Variants in TIA1 observed in about 807,000 individuals in gnomAD.
TIA1 encodes the protein cytotoxic granule associated RNA binding protein TIA1.
TIA1 carries 23 observed loss-of-function variants against 65.9 expected under a neutral mutation model. The ratio of observed to expected loss-of-function variants is 0.35; its 90% CI spans 0.25 to 0.49. The LOEUF is 0.49. Ranked by LOEUF, TIA1 falls within the 20% of genes least tolerant of loss-of-function variation. The probability of loss-of-function intolerance (pLI) is 0.98; values close to 1 mark genes in which losing one functional copy is unlikely to be tolerated. For synonymous variants in TIA1, 147 were observed against 149.4 expected (o/e 0.98, Z 0.12); for missense variants, 371 against 477.9 (o/e 0.78, Z 2.09).
intron 7 of TIA1, among the ~76,000 whole-genome samples, chr2:70,218,908 G>A (rs1679945260): frequency 6.6e-6 from 1 of 152,224 alleles, no homozygotes; most frequent in Non-Finnish European, 1.5e-5. Flanking sequence ...ATGGGGGCTG[G>A]AGGGGACACC....
At chr2:70,232,540 CAAAAAAAAAAAAAAAAAAAA>C (rs70956955) in intron 2 of TIA1, among the ~76,000 whole-genome samples, 14 of 40,268 alleles carry the variant, frequency 3.5e-4, no homozygotes, top group African/African-American at 1.2e-3. Flanking sequence ...AACTCTGTCT[CAAAAAAAAAAAAAAAAAAAA>C]AAAAAAAAAA....
At chr2:70,230,670 G>GT in intron 3 of TIA1, 86 bp downstream of exon 3, 1 of 897,846 alleles carries the variant, frequency 1.1e-6, no homozygotes, top group Admixed American at 3.1e-5. Context: ...AAAAAAAAGT[G>GT]TTTAATGTTT....
intron 7 of TIA1, among the ~76,000 whole-genome samples, chr2:70,223,696 G>A (rs1469023943): frequency 2.7e-5 from 4 of 150,578 alleles, no homozygotes; most frequent in Non-Finnish European, 4.4e-5. Context: ...TTACAGGTGT[G>A]AGCCACTGGG....
rs976869384 is a variant in TIA1, at chr2:70,209,448, A to G, written c.*3271T>C. Reference sequence around the variant, plus strand: ...AAATGAAGGTAGAAAAACCTATTCAATTGAGACACACTCACACATTTTATT... The same window carrying G: ...AAATGAAGGTAGAAAAACCTATTCAGTTGAGACACACTCACACATTTTATT... On this transcript the variant is annotated 3_prime_UTR_variant, in exon 13 of 13. Transcript: ENST00000433529. The G allele has an allele frequency of 5.0e-6, 2 of 397,084 alleles. No individual in the cohort carries two copies. The highest frequency in any genetic ancestry group is 8.9e-6 in the Non-Finnish European group (2 of 225,744). 24.6% of individuals were successfully genotyped at this position (397,084 alleles called of 1,614,324 possible).
intron 6 of TIA1, chr2:70,225,009 C>T: frequency 1.0e-6 from 1 of 993,942 alleles, no homozygotes; most frequent in Non-Finnish European, 1.2e-6. Context: ...TTATTTGACA[C>T]TATATTCTAC....
intron 5 of TIA1, chr2:70,228,414 G>GACCAAAC: frequency 7.8e-7 from 1 of 1,288,210 alleles, no homozygotes; most frequent in Non-Finnish European, 1.0e-6. Flanking sequence ...TGGTTGCCCA[G>GACCAAAC]ACATTACACC....
chr2:70,248,219 C>CA (rs1264613789), intron 1 of TIA1, among the ~76,000 whole-genome samples, 186 bp downstream of exon 1: 1 of 152,218 alleles, frequency 6.6e-6, no homozygotes, highest in Non-Finnish European at 1.5e-5. Flanking sequence ...GGTTGAGCCC[C>CA]GTCTCCCTTC....
chr2:70,216,105 G>T, intron 10 of TIA1, 103 bp downstream of exon 10: 1 of 1,095,924 alleles, frequency 9.1e-7, no homozygotes, highest in Non-Finnish European at 1.3e-6. Context: ...CGAGGTAAAT[G>T]TTCAAAAAAT....
At chr2:70,220,409 GA>G (rs1185772621) in intron 7 of TIA1, among the ~76,000 whole-genome samples, 1 of 149,360 alleles carries the variant, frequency 6.7e-6, no homozygotes, top group African/African-American at 2.5e-5. Flanking sequence ...GTCCTGTCTC[GA>G]AAAAAAAAGA....
intron 1 of TIA1, among the ~76,000 whole-genome samples, chr2:70,244,254 CCTTT>C (rs1157323779): frequency 1.3e-5 from 2 of 152,178 alleles, no homozygotes; most frequent in African/African-American, 2.4e-5. Context: ...GGATGACCTT[CCTTT>C]ATTATTCTCT....
chr2:70,234,488 A>C (rs913458870), intron 2 of TIA1, among the ~76,000 whole-genome samples: 2 of 152,248 alleles, frequency 1.3e-5, no homozygotes, highest in Admixed American at 6.5e-5. Flanking sequence ...TCTATATAAT[A>C]TGCAGATGAT....
chr2:70,212,563 A>T lies in TIA1; in HGVS notation c.*156T>A, dbSNP rs1463089696. On this transcript the variant is annotated 3_prime_UTR_variant, in exon 13 of 13. Transcript: ENST00000433529. ...CTTGTTTCTTTTTAAAACAATGTGGATGATAAGTAATTTCATGATTAAAAA... is the reference window on the plus strand; with the variant it reads ...CTTGTTTCTTTTTAAAACAATGTGGTTGATAAGTAATTTCATGATTAAAAA... The T allele has an allele frequency of 5.6e-6, 3 of 539,314 alleles. No individual in the cohort carries two copies. Among genetic ancestry groups the T allele is most frequent in the Non-Finnish European group, 1.0e-5 (3 of 298,204 alleles). The allele number at this position is 539,314 out of a possible 1,614,324, so 33.4% of individuals were successfully genotyped here.
chr2:70,224,235 T>C (rs534465710), intron 7 of TIA1, among the ~76,000 whole-genome samples: 2 of 152,292 alleles, frequency 1.3e-5, no homozygotes, highest in South Asian at 4.1e-4. Context: ...AGTATTTTAT[T>C]AGCTACTTTT....
At chr2:70,227,516 T>A (rs1684331360) in intron 6 of TIA1, among the ~76,000 whole-genome samples, 1 of 152,126 alleles carries the variant, frequency 6.6e-6, no homozygotes, top group African/African-American at 2.4e-5. Context: ...GCTATGCTAA[T>A]TGAAAAAGGA....
At chr2:70,237,284 C>G (rs1171100773) in intron 1 of TIA1, among the ~76,000 whole-genome samples, 1 of 152,166 alleles carries the variant, frequency 6.6e-6, no homozygotes, top group Non-Finnish European at 1.5e-5. Flanking sequence ...CATCTGTAAA[C>G]CCAGCTACTT....
intron 6 of TIA1, chr2:70,225,264 G>T: frequency 1.7e-6 from 2 of 1,183,110 alleles, no homozygotes; most frequent in South Asian, 1.6e-5. Flanking sequence ...ATATAAAATT[G>T]ATTGGAACTA....
In TIA1 at chr2:70,245,914, A is replaced by ATTTT. The variant is rs199977940; in HGVS notation, c.26+2487_26+2490dup. Among the ~76,000 whole-genome samples the ATTTT allele has an allele frequency of 9.1e-4, 113 of 124,748 alleles. 2 individuals are homozygous for ATTTT. The highest frequency in any genetic ancestry group is 7.8e-3 in the South Asian group (32 of 4,114). 81.8% of individuals were successfully genotyped at this position (124,748 alleles called of 152,430 possible). On this transcript the variant is annotated intron_variant, in intron 1 of 12. Transcript: ENST00000433529. Reference sequence around the variant, plus strand: ...AATTCACTGCTTGAAATTCTACCAGATTTTTTTTTTTTTTTTTTTTTTTTT... The same window carrying ATTTT: ...AATTCACTGCTTGAAATTCTACCAGATTTTTTTTTTTTTTTTTTTTTTTTTTTTT...
chr2:70,230,073 T>G (rs113280398), intron 3 of TIA1, among the ~76,000 whole-genome samples: 1 of 151,398 alleles, frequency 6.6e-6, no homozygotes, highest in African/African-American at 2.4e-5. Context: ...GAAACCCTGT[T>G]TCTACTAAAA....
chr2:70,231,437 T>C (rs145770220), intron 2 of TIA1, among the ~76,000 whole-genome samples: 23 of 150,428 alleles, frequency 1.5e-4, no homozygotes, highest in African/African-American at 5.6e-4. Context: ...GTCTCTAAAA[T>C]AATTAAAAAG....
Sources: allele counts gnomAD v4.1 joint callset (sites outside exome capture counted in the v4.1 genomes callset), GRCh38; gene constraint gnomAD v4.1.1; transcripts MANE v1.5; gene names NCBI Gene and HGNC (gene_info 2026-07-23, HGNC 2026-07-21).